Variants in APBB2 observed in about 807,000 individuals in gnomAD.
The protein encoded by APBB2 is Fe65-like 1.
In APBB2, 38 loss-of-function variants were observed where a neutral mutation model predicts 82.5. The observed-to-expected ratio is 0.46, with a 90% CI of 0.36 to 0.60. The LOEUF (loss-of-function observed/expected upper bound fraction) is 0.60, where lower values mean the gene tolerates loss of function less well. APBB2 is among the 20% of genes least tolerant of loss of function. The pLI is 0.00. For synonymous variants in APBB2, 341 were observed against 368.2 expected, an observed-to-expected ratio of 0.93 and a Z score of 0.85; for missense variants, 772 against 972.3, an observed-to-expected ratio of 0.79 and a Z score of 2.74.
chr4:41,213,657 G>A (rs1436787244), intron 1 of APBB2, among the ~76,000 whole-genome samples: 1 of 152,132 alleles, frequency 6.6e-6, no homozygotes, highest in Non-Finnish European at 1.5e-5. Context: ...TGTTCTCGCC[G>A]CACAAATGTC....
At chr4:40,845,403 T>C (rs1404629446) in intron 12 of APBB2, among the ~76,000 whole-genome samples, 1 of 151,894 alleles carries the variant, frequency 6.6e-6, no homozygotes, top group Non-Finnish European at 1.5e-5. Context: ...GTGGGAAGAA[T>C]TAAACCCCAA....
intron 1 of APBB2, among the ~76,000 whole-genome samples, chr4:41,208,724 G>A (rs1355030459): frequency 1.3e-5 from 2 of 152,140 alleles, no homozygotes; most frequent in Non-Finnish European, 2.9e-5. Context: ...GGGTAGAACT[G>A]GTAAACTTTG....
chr4:41,177,003 A>C (rs1365441006), intron 1 of APBB2, among the ~76,000 whole-genome samples: 2 of 144,944 alleles, frequency 1.4e-5, no homozygotes, highest in Middle Eastern at 3.3e-3. Flanking sequence ...AAAAAAAAAA[A>C]GCATGAAAAT....
chr4:40,893,192 C>T, intron 11 of APBB2, 73 bp downstream of exon 11: 2 of 1,566,682 alleles, frequency 1.3e-6, no homozygotes, highest in Non-Finnish European at 1.7e-6. Context: ...CCATGTGTCA[C>T]TGAGCTGTGG....
At position 40,934,347 on chromosome 4, in the gene APBB2, C is replaced by T. The variant is rs2154375232; in HGVS notation, c.1254+109G>A. 3 of 1,071,096 alleles carry T rather than the reference C, an allele frequency of 2.8e-6. No homozygotes were observed. The Middle Eastern group carries it at 6.9e-4, about 245-fold the overall frequency. The allele number at this position is 1,071,096 out of a possible 1,614,324, so 66.3% of individuals were successfully genotyped here. A position where few individuals can be genotyped will look rare whatever the true frequency, so the allele number is the denominator to read the frequency against. On this transcript the variant is annotated intron_variant, in intron 10 of 17. Coordinates refer to ENST00000508593, the MANE Select transcript of APBB2 (RefSeq NM_004307.2). ...GAAAGAGAAAATTGAGGGATAATTA[C>T]TTATTAAATGGCTCTGGGTTGATGG...
At chr4:40,931,423 AC>A (rs1784205901) in intron 10 of APBB2, among the ~76,000 whole-genome samples, 1 of 152,082 alleles carries the variant, frequency 6.6e-6, no homozygotes, top group South Asian at 2.1e-4. Flanking sequence ...GGCATGGGAC[AC>A]CACACCCAGC....
chr4:41,045,874 G>A (rs1031875045), intron 4 of APBB2, among the ~76,000 whole-genome samples: 64 of 152,186 alleles, frequency 4.2e-4, no homozygotes, highest in African/African-American at 1.5e-3. Flanking sequence ...ATGAATAGAA[G>A]AGTTCATCAA....
At chr4:40,851,672 T>A (rs1759407996) in intron 12 of APBB2, among the ~76,000 whole-genome samples, 1 of 150,370 alleles carries the variant, frequency 6.7e-6, no homozygotes, top group Non-Finnish European at 1.5e-5. Flanking sequence ...TCCTGCCCTT[T>A]CCCATCTGCT....
chr4:41,189,503 A>G (rs1288488293), intron 1 of APBB2, among the ~76,000 whole-genome samples: 1 of 152,178 alleles, frequency 6.6e-6, no homozygotes, highest in Non-Finnish European at 1.5e-5. Flanking sequence ...GTTAATGGGT[A>G]AATAAAAGTC....
intron 1 of APBB2, among the ~76,000 whole-genome samples, chr4:41,175,148 A>G (rs1234346813): frequency 6.6e-6 from 1 of 152,202 alleles, no homozygotes; most frequent in African/African-American, 2.4e-5. Context: ...ATGGGAATTC[A>G]TTTGTGACAT....
At chr4:41,207,312 G>A (rs944601553) in intron 1 of APBB2, among the ~76,000 whole-genome samples, 1 of 150,574 alleles carries the variant, frequency 6.6e-6, no homozygotes, top group Non-Finnish European at 1.5e-5. Context: ...GCAATTCCAT[G>A]AGCAAATCAT....
At chr4:41,209,195 T>C (rs1269892283) in intron 1 of APBB2, among the ~76,000 whole-genome samples, 1 of 152,100 alleles carries the variant, frequency 6.6e-6, no homozygotes, top group African/African-American at 2.4e-5. Flanking sequence ...TTATTAAAAA[T>C]TATTTCAATG....
chr4:40,824,332 C>A (rs2154297594), intron 15 of APBB2, among the ~76,000 whole-genome samples: 1 of 152,276 alleles, frequency 6.6e-6, no homozygotes, highest in East Asian at 1.9e-4. Context: ...TGGATCCCCC[C>A]ATTGAGTAGG....
chr4:41,077,702 C>CAG (rs1327249140), intron 3 of APBB2, among the ~76,000 whole-genome samples: 7 of 152,270 alleles, frequency 4.6e-5, no homozygotes, highest in African/African-American at 1.7e-4. Context: ...ATTCCATCTA[C>CAG]ACATGCTTTC....
rs1033257816 is a variant in APBB2 at position 41,208,676 on chromosome 4, A to G, written c.-417+5729T>C. Among the ~76,000 whole-genome samples the G allele has an allele frequency of 2.6e-5, 4 of 152,250 alleles. No individual in the cohort carries two copies. In the East Asian group the frequency reaches 7.7e-4, roughly 29 times the overall value. ...TCGGGAACTTCAGTTATTACCTAGC[A>G]AACAAAGTTTGCAAGATTTCCACAA... On this transcript the variant is annotated intron_variant, in intron 1 of 17. Coordinates refer to ENST00000508593, the MANE Select transcript of APBB2 (RefSeq NM_004307.2).
At chr4:41,133,801 G>C (rs1305691602) in intron 2 of APBB2, among the ~76,000 whole-genome samples, 2 of 152,212 alleles carry the variant, frequency 1.3e-5, no homozygotes, top group East Asian at 3.9e-4. Flanking sequence ...GCAGAGTAAG[G>C]GGGAGGGGAA....
At chr4:40,866,356 C>T (rs1292372533) in intron 12 of APBB2, among the ~76,000 whole-genome samples, 1 of 152,056 alleles carries the variant, frequency 6.6e-6, no homozygotes, top group African/African-American at 2.4e-5. Flanking sequence ...TGCTCAGGAG[C>T]TTACTGTTGA....
Position 40,830,458 on chromosome 4 carries a change from C to T in APBB2, c.1644+5G>A, listed in dbSNP as rs1433406832. The T allele has an allele frequency of 6.2e-7, 1 of 1,610,030 alleles. No individual in the cohort carries two copies. The highest frequency in any genetic ancestry group is 8.5e-7 in the Non-Finnish European group (1 of 1,176,244). ...GGCGGCCCATACTGCCCTGACCCAC[C>T]TTACCTTGGAGCAGATCTCGTGGAG... On this transcript the variant is annotated splice_donor_5th_base_variant and intron_variant, in intron 13 of 17. Coordinates refer to ENST00000508593, the MANE Select transcript of APBB2 (RefSeq NM_004307.2).
intron 12 of APBB2, among the ~76,000 whole-genome samples, chr4:40,867,230 T>C (rs1379071122): frequency 1.3e-5 from 2 of 152,216 alleles, no homozygotes; most frequent in African/African-American, 4.8e-5. Context: ...GTCTGGTCTT[T>C]TGCAGAAAAA....
Sources: gnomAD v4.1 joint callset for allele counts (sites outside exome capture counted in the v4.1 genomes callset) on GRCh38, gnomAD v4.1.1 for gene constraint, MANE v1.5 for transcripts, NCBI Gene and HGNC (gene_info 2026-07-23, HGNC 2026-07-21) for gene names.